SHISA3: variants seen among roughly 807,000 people sequenced by gnomAD.
SHISA3 encodes the protein protein shisa-3 homolog.
In SHISA3, 15 loss-of-function variants were observed where a neutral mutation model predicts 19.2. The observed-to-expected ratio is 0.78, with a 90% CI of 0.52 to 1.20. The LOEUF (loss-of-function observed/expected upper bound fraction) is 1.20. Among genes scored for constraint, SHISA3 ranks in the 50% most tolerant of loss-of-function variants. The probability of loss-of-function intolerance (pLI) is 0.00; values close to 1 mark genes in which losing one functional copy is unlikely to be tolerated. For missense variants in SHISA3, 327 were observed against 315.7 expected (o/e 1.04, Z -0.27); for synonymous variants, 145 against 135.2 (o/e 1.07, Z -0.50).
rs1711911423 is a variant in SHISA3 at position 42,401,261 on chromosome 4, G to T, written c.527G>T (p.Arg176Leu). The change falls in exon 2 of 2, where the codon CGC becomes CTC. Residue 176 changes from arginine (R) to leucine (L), a missense_variant. Transcript: ENST00000319234. ...TCCAGCTCCACAGGCGGCTCCATCCGCAGGTTCTCCTTTGCCAGGGCTGAG... is the reference window on the plus strand; with the variant it reads ...TCCAGCTCCACAGGCGGCTCCATCCTCAGGTTCTCCTTTGCCAGGGCTGAG... ...TSSSSTGGSIRRFSFARAEPG... is the reference protein window; with the variant it reads ...TSSSSTGGSILRFSFARAEPG... The T allele has an allele frequency of 3.1e-6, 5 of 1,614,108 alleles. No homozygotes were observed. Among genetic ancestry groups the T allele is most frequent in the Middle Eastern group, 1.6e-4 (1 of 6,062 alleles).
At position 42,397,496 on chromosome 4, in the gene SHISA3, C is replaced by T. The variant is rs947057947; in HGVS notation, c.-561C>T. On this transcript the variant is annotated 5_prime_UTR_variant, in exon 1 of 2. Coordinates refer to ENST00000319234, the MANE Select transcript of SHISA3 (RefSeq NM_001080505.3). ...TTGCGGGCAGAGCTGTCAGCAACCC[C>T]GCGGCCGTTTGTACTTGGCCGCGGC... 6.6e-6 allele frequency among the ~76,000 whole-genome samples: 1 copy of T among 152,226 alleles called. No individual in the cohort carries two copies. Among genetic ancestry groups the T allele is most frequent in the Non-Finnish European group, 1.5e-5 (1 of 68,034 alleles).
At chr4:42,399,943 C>T in intron 1 of SHISA3, among the ~76,000 whole-genome samples, 1 of 152,222 alleles carries the variant, frequency 6.6e-6, no homozygotes, top group South Asian at 2.1e-4. Context: ...TGATAGTTAC[C>T]TGTCCCTCAC....
At chr4:42,399,626 G>A (rs959151886) in intron 1 of SHISA3, among the ~76,000 whole-genome samples, 2 of 152,242 alleles carry the variant, frequency 1.3e-5, no homozygotes, top group Non-Finnish European at 2.9e-5. Flanking sequence ...AGAAGGGAGA[G>A]GCAGTCTCCA....
At chr4:42,398,364 C>T in intron 1 of SHISA3, 31 bp downstream of exon 1, 5 of 1,499,842 alleles carry the variant, frequency 3.3e-6, no homozygotes, top group Middle Eastern at 1.8e-4. Flanking sequence ...GACATATCCC[C>T]GCCCGCCTAA....
At position 42,401,375 on chromosome 4, in the gene SHISA3, C is replaced by T; in HGVS notation, c.641C>T (p.Pro214Leu). The T allele has an allele frequency of 6.2e-7, 1 of 1,613,892 alleles. No individual in the cohort carries two copies. The highest frequency in any genetic ancestry group is 8.5e-7 in the Non-Finnish European group (1 of 1,179,894). ...CAGCCATCTGGTTTCCTGGTGTCAC[C>T]CCAGTATTTCGCTTACCCCCTCCAG... is the stretch of plus-strand genomic sequence containing the variant. ...LAQPSGFLVSPQYFAYPLQQE... is the reference protein window; with the variant it reads ...LAQPSGFLVSLQYFAYPLQQE... The change falls in exon 2 of 2, where the codon CCC becomes CTC. Residue 214 changes from proline (P) to leucine (L), a missense_variant. Transcript: ENST00000319234.
chr4:42,401,073 C>A lies in SHISA3; in HGVS notation c.339C>A (p.Gly113=). 8 of 1,614,180 alleles carry A rather than the reference C, an allele frequency of 5.0e-6. No homozygotes were observed. The highest frequency in any genetic ancestry group is 6.8e-6 in the Non-Finnish European group (8 of 1,180,030). The change falls in exon 2 of 2, where the codon GGC becomes GGA. Residue 113 remains glycine (G), a synonymous_variant. Coordinates refer to ENST00000319234, the MANE Select transcript of SHISA3 (RefSeq NM_001080505.3). ...TCTTCATTGCGTTCATCATCCTGGG[C>A]TCTGTAGTGGCTATTTATTGTTGCA... is the stretch of plus-strand genomic sequence containing the variant. ...GSIFIAFIIL[G]SVVAIYCCTC...
Position 42,401,415 on chromosome 4 carries a change from G to A in SHISA3, c.681G>A (p.Leu227=). Residue 227 remains leucine, a synonymous_variant, in exon 2 of 2, where the codon CTG becomes CTA. Transcript: ENST00000319234. The stretch of plus-strand genomic sequence containing the variant: ...ACCCCCTCCAGCAGGAGCCCCCACT[G>A]CCTGGGAAGAGCTGTCCAGACTTCA... The part of the protein sequence containing the change: ...FAYPLQQEPP[L]PGKSCPDFSS... The A allele has an allele frequency of 6.3e-7, 1 of 1,597,730 alleles. No individual in the cohort carries two copies. Among genetic ancestry groups the A allele is most frequent in the South Asian group, 1.2e-5 (1 of 86,576 alleles).
In SHISA3 at chr4:42,398,268, C is replaced by A; in HGVS notation, c.212C>A (p.Ala71Asp). 6.4e-7 allele frequency: 1 copy of A among 1,568,582 alleles called. No individual in the cohort carries two copies. Among genetic ancestry groups the A allele is most frequent in the Non-Finnish European group, 8.6e-7 (1 of 1,157,326 alleles). ...CGCTACTGTTGCGCCGCGGCCGACG[C>A]CAGGCTGGAGCAGGGCGGCTGCACC... Reference protein sequence around the residue: ...ALRYCCAAADARLEQGGCTND... With the variant: ...ALRYCCAAADDRLEQGGCTND... Residue 71 changes from alanine to aspartate, a missense_variant, in exon 1 of 2, where the codon GCC becomes GAC. Transcript: ENST00000319234.
chr4:42,398,022 G>T lies in SHISA3; in HGVS notation c.-35G>T, dbSNP rs912098457. 1 of 1,506,060 alleles carries T rather than the reference G, an allele frequency of 6.6e-7. No homozygotes were observed. The highest frequency in any genetic ancestry group is 1.3e-5 in the South Asian group (1 of 75,642). The allele number at this position is 1,506,060 out of a possible 1,614,324, so 93.3% of individuals were successfully genotyped here. ...GCTCAGCCCTTCGCTTTCCAGCTGCGTCCTGCTCCCGGCCGCCCAGGGAGC... is the reference window on the plus strand; with the variant it reads ...GCTCAGCCCTTCGCTTTCCAGCTGCTTCCTGCTCCCGGCCGCCCAGGGAGC... On this transcript the variant is annotated 5_prime_UTR_variant, in exon 1 of 2. Coordinates refer to ENST00000319234, the MANE Select transcript of SHISA3 (RefSeq NM_001080505.3).
At chr4:42,400,731 G>T (rs1368892755) in intron 1 of SHISA3, among the ~76,000 whole-genome samples, 1 of 149,204 alleles carries the variant, frequency 6.7e-6, no homozygotes, top group Non-Finnish European at 1.5e-5. Context: ...AACAGATTCC[G>T]TTTTTTTTTT....
chr4:42,400,017 TA>T (rs1423557420), intron 1 of SHISA3, among the ~76,000 whole-genome samples: 1 of 152,182 alleles, frequency 6.6e-6, no homozygotes, highest in African/African-American at 2.4e-5. Context: ...AAATGGAGCT[TA>T]TCATGTCCAT....
In SHISA3 at chr4:42,397,616, G is replaced by T. The variant is rs1256089498; in HGVS notation, c.-441G>T. On this transcript the variant is annotated 5_prime_UTR_variant, in exon 1 of 2. Coordinates refer to ENST00000319234, the MANE Select transcript of SHISA3 (RefSeq NM_001080505.3). ...CGTGGGGAACAAATTCTTTTCCTCC[G>T]GCTCCTCTCGGGACCCGGCGATCGC... Among the ~76,000 whole-genome samples, 1 of 152,094 alleles carries T rather than the reference G, an allele frequency of 6.6e-6. No individual in the cohort carries two copies. Among genetic ancestry groups the T allele is most frequent in the African/African-American group, 2.4e-5 (1 of 41,432 alleles).
At chr4:42,399,289 G>A (rs1030104178) in intron 1 of SHISA3, among the ~76,000 whole-genome samples, 1 of 152,164 alleles carries the variant, frequency 6.6e-6, no homozygotes, top group African/African-American at 2.4e-5. Context: ...AGATCATTAA[G>A]GGTTCCCCAA....
intron 1 of SHISA3, among the ~76,000 whole-genome samples, chr4:42,398,561 G>C (rs1209782889): frequency 6.6e-6 from 1 of 152,214 alleles, no homozygotes; most frequent in African/African-American, 2.4e-5. Flanking sequence ...GGTCTCTGCG[G>C]GTCGGCCCGC....
Position 42,397,535 on chromosome 4 carries a change from G to A in SHISA3, c.-522G>A, listed in dbSNP as rs943649598. ...CTTGGCCGCGGCGGAGCTGACTCCT[G>A]CTCCTGTGACAGATAGGGGCTGGGG... is the stretch of plus-strand genomic sequence containing the variant. On this transcript the variant is annotated 5_prime_UTR_variant, in exon 1 of 2. Coordinates refer to ENST00000319234, the MANE Select transcript of SHISA3 (RefSeq NM_001080505.3). Among the ~76,000 whole-genome samples the A allele has an allele frequency of 2.0e-5, 3 of 152,204 alleles. No individual in the cohort carries two copies. Among genetic ancestry groups the A allele is most frequent in the Admixed American group, 6.5e-5 (1 of 15,288 alleles).
At position 42,398,309 on chromosome 4, in the gene SHISA3, C is replaced by T. The variant is rs1711807230; in HGVS notation, c.253C>T (p.Leu85=). The change falls in exon 1 of 2, where the codon CTG becomes TTG. Residue 85 remains leucine (L), a synonymous_variant. Transcript: ENST00000319234. ...QGGCTNDRRE[L]EHPGITAQPV... ...CGGCTGCACCAACGACCGCCGCGAA[C>T]TGGAGCACCCAGGCATCACTGCGCG... 6.4e-7 allele frequency: 1 copy of T among 1,560,664 alleles called. No homozygotes were observed. Among genetic ancestry groups the T allele is most frequent in the Non-Finnish European group, 8.7e-7 (1 of 1,154,448 alleles).
rs779307828 is a variant in SHISA3 at position 42,398,110 on chromosome 4, G to C, written c.54G>C (p.Pro18=). 1.2e-6 allele frequency: 2 copies of C among 1,602,912 alleles called. No individual in the cohort carries two copies. The highest frequency in any genetic ancestry group is 1.7e-6 in the Non-Finnish European group (2 of 1,175,758). Residue 18 remains proline (P), a synonymous_variant, in exon 1 of 2, where the codon CCG becomes CCC. Coordinates refer to ENST00000319234, the MANE Select transcript of SHISA3 (RefSeq NM_001080505.3). ...CLLLGWLRWG[P]AGAQQSGEYC... ...TCCTTGGCTGGCTGCGCTGGGGCCC[G>C]GCGGGCGCCCAGCAGTCCGGAGAGT...
Position 42,401,117 on chromosome 4 carries a change from A to G in SHISA3, c.383A>G (p.Glu128Gly), listed in dbSNP as rs768265818. 6.2e-7 allele frequency: 1 copy of G among 1,614,152 alleles called. No homozygotes were observed. Residue 128 changes from glutamate to glycine, a missense_variant, in exon 2 of 2, where the codon GAG becomes GGG. Physicochemically the swap from Glu to Gly is moderately conservative, Grantham distance 98. Transcript: ENST00000319234. ...IYCCTCLRPK[E>G]PSQQPIRFSL... ...TGTTGCACCTGTTTGAGACCCAAGG[A>G]GCCCTCGCAGCAGCCAATCCGCTTC...
Position 42,397,848 on chromosome 4 carries a change from T to A in SHISA3, c.-209T>A. ...CCTCGCCAACTCGCCCCGCGCACCA[T>A]GCTGACTCCCGGCCTGCGGAACTCG... is the stretch of plus-strand genomic sequence containing the variant. On this transcript the variant is annotated 5_prime_UTR_variant, in exon 1 of 2. It removes an upstream start codon present in the reference 5' UTR. Coordinates refer to ENST00000319234, the MANE Select transcript of SHISA3 (RefSeq NM_001080505.3). 1 of 467,818 alleles carries A rather than the reference T, an allele frequency of 2.1e-6. No individual in the cohort carries two copies. Among genetic ancestry groups the A allele is most frequent in the Non-Finnish European group, 3.7e-6 (1 of 270,580 alleles). 29.0% of individuals were successfully genotyped at this position (467,818 alleles called of 1,614,324 possible).
Sources: allele counts gnomAD v4.1 joint callset (sites outside exome capture counted in the v4.1 genomes callset), GRCh38; gene constraint gnomAD v4.1.1; transcripts MANE v1.5; gene names NCBI Gene and HGNC (gene_info 2026-07-23, HGNC 2026-07-21).